The following FRMD5 variants were observed in gnomAD, a reference collection of about 807,000 sequenced individuals.
FRMD5 encodes FERM domain containing 5.
Under a neutral mutation model 69.0 loss-of-function variants are expected in FRMD5, and 20 were observed. That is an observed-to-expected ratio of 0.29 (90% confidence interval 0.20 to 0.42). FRMD5 has a LOEUF of 0.42. FRMD5 is among the 10% of genes least tolerant of loss of function. The pLI is 1.00. For synonymous variants in FRMD5, 271 were observed against 260.1 expected (o/e 1.04, Z -0.40); for missense variants, 595 against 708.6 (o/e 0.84, Z 1.82).
At chr15:44,190,938 A>G (rs2140610962) in intron 1 of FRMD5, among the ~76,000 whole-genome samples, 1 of 152,370 alleles carries the variant, frequency 6.6e-6, no homozygotes, top group Admixed American at 6.5e-5. Flanking sequence ...ACAGGGCTCA[A>G]TACATTTGTT....
chr15:43,896,144 G>C (rs559378654), intron 7 of FRMD5, among the ~76,000 whole-genome samples: 1 of 152,268 alleles, frequency 6.6e-6, no homozygotes, highest in East Asian at 1.9e-4. Flanking sequence ...GGTCCTGATA[G>C]CTATGCCGTG....
intron 1 of FRMD5, among the ~76,000 whole-genome samples, chr15:44,042,760 T>C (rs1892257565): frequency 6.6e-6 from 1 of 152,196 alleles, no homozygotes; most frequent in African/African-American, 2.4e-5. Flanking sequence ...ATAAACTAGC[T>C]ACTGATGGAA....
At chr15:43,901,744 T>G (rs2089050808) in intron 7 of FRMD5, among the ~76,000 whole-genome samples, 1 of 152,158 alleles carries the variant, frequency 6.6e-6, no homozygotes, top group Admixed American at 6.5e-5. Context: ...GCATTAAATG[T>G]GACTCCACTG....
At chr15:43,874,862 T>A (rs1203031269) in intron 13 of FRMD5, among the ~76,000 whole-genome samples, 1 of 151,820 alleles carries the variant, frequency 6.6e-6, no homozygotes, top group African/African-American at 2.4e-5. Context: ...ATCGCACTAT[T>A]ACACTCCATC....
rs1338197434 is a variant in FRMD5 at position 43,908,474 on chromosome 15, G to A, written c.427+1408C>T. On this transcript the variant is annotated intron_variant, in intron 5 of 13. Transcript: ENST00000417257. The stretch of plus-strand genomic sequence containing the variant: ...ACATTCTTAACACAGGCAGCCAGCC[G>A]TGGTATTTCTATTGCCAGAAGGACT... 4.6e-5 allele frequency among the ~76,000 whole-genome samples: 7 copies of A among 152,308 alleles called. No homozygotes were observed. The East Asian group carries it at 7.7e-4, about 17-fold the overall frequency.
At chr15:44,137,025 C>G (rs1015957801) in intron 1 of FRMD5, among the ~76,000 whole-genome samples, 15 of 152,166 alleles carry the variant, frequency 9.9e-5, no homozygotes, top group African/African-American at 3.6e-4. Context: ...ATATTTTAAA[C>G]AGGATCAGAT....
chr15:43,888,047 G>T, intron 10 of FRMD5, 128 bp downstream of exon 10: 2 of 651,486 alleles, frequency 3.1e-6, no homozygotes, highest in South Asian at 4.0e-5. Context: ...TGGCTTCTCA[G>T]TAACTGTCAA....
At chr15:43,904,802 T>C (rs1273773158) in intron 6 of FRMD5, among the ~76,000 whole-genome samples, 1 of 152,208 alleles carries the variant, frequency 6.6e-6, no homozygotes, top group Non-Finnish European at 1.5e-5. Context: ...AAAATCCTAC[T>C]TCATGTGGGT....
At chr15:44,142,167 T>A (rs1046456292) in intron 1 of FRMD5, among the ~76,000 whole-genome samples, 3 of 152,188 alleles carry the variant, frequency 2.0e-5, no homozygotes, top group Non-Finnish European at 2.9e-5. Context: ...CCTAGAGACA[T>A]AACAGAAAAT....
intron 1 of FRMD5, among the ~76,000 whole-genome samples, chr15:43,972,048 T>A (rs2090388955): frequency 6.8e-6 from 1 of 146,538 alleles, no homozygotes; most frequent in African/African-American, 2.5e-5. Context: ...AAATATATAT[T>A]TTTATATATT....
chr15:44,143,065 T>C (rs2615271), intron 1 of FRMD5, among the ~76,000 whole-genome samples: 124,317 of 151,504 alleles, frequency 0.82, 53,471 homozygotes, highest in Non-Finnish European at 0.94. Context: ...GCACTCCAGC[T>C]CGGGTGACAC....
chr15:44,049,511 A>G (rs185445979), intron 1 of FRMD5, among the ~76,000 whole-genome samples: 160 of 152,344 alleles, frequency 1.1e-3, no homozygotes, highest in African/African-American at 3.6e-3. Flanking sequence ...TATAAATAAT[A>G]TATTTGTTGA....
At chr15:44,039,672 C>A (rs1428853703) in intron 1 of FRMD5, among the ~76,000 whole-genome samples, 1 of 152,124 alleles carries the variant, frequency 6.6e-6, no homozygotes, top group African/African-American at 2.4e-5. Flanking sequence ...ATCTGAAGGG[C>A]ACCGACTTCA....
At chr15:44,148,993 T>G (rs1475688438) in intron 1 of FRMD5, among the ~76,000 whole-genome samples, 1 of 152,188 alleles carries the variant, frequency 6.6e-6, no homozygotes, top group East Asian at 1.9e-4. Context: ...GTCTAAAAAC[T>G]AATATTATTA....
At chr15:44,082,367 T>C (rs889412462) in intron 1 of FRMD5, among the ~76,000 whole-genome samples, 1 of 152,042 alleles carries the variant, frequency 6.6e-6, no homozygotes, top group Non-Finnish European at 1.5e-5. Context: ...CCACCCCATA[T>C]ATTGAACTAT....
intron 1 of FRMD5, among the ~76,000 whole-genome samples, chr15:43,940,831 G>C (rs2089849710): frequency 6.6e-6 from 1 of 152,154 alleles, no homozygotes; most frequent in Non-Finnish European, 1.5e-5. Flanking sequence ...TGGGAGAACA[G>C]GTTGAAAAGC....
At chr15:44,093,546 G>T (rs997059305) in intron 1 of FRMD5, among the ~76,000 whole-genome samples, 5 of 151,952 alleles carry the variant, frequency 3.3e-5, no homozygotes, top group Non-Finnish European at 5.9e-5. Flanking sequence ...GACAATACTT[G>T]GTTGACAAAA....
At chr15:44,143,100 AAAG>A (rs1400092842) in intron 1 of FRMD5, among the ~76,000 whole-genome samples, 2 of 152,192 alleles carry the variant, frequency 1.3e-5, no homozygotes, top group Non-Finnish European at 2.9e-5. Context: ...TCAAAAAAAA[AAAG>A]AAAAAAGAAA....
chr15:44,120,588 C>A (rs557972333), intron 1 of FRMD5, among the ~76,000 whole-genome samples: 9 of 139,668 alleles, frequency 6.4e-5, no homozygotes, highest in African/African-American at 2.4e-4. Context: ...GGCTGGAGTG[C>A]AGGAGTGCAA....
Sources: allele counts gnomAD v4.1 joint callset (sites outside exome capture counted in the v4.1 genomes callset), GRCh38; gene constraint gnomAD v4.1.1; transcripts MANE v1.5; gene names NCBI Gene and HGNC (gene_info 2026-07-23, HGNC 2026-07-21).